Variants in LDB2 observed in about 807,000 individuals in gnomAD.
The protein encoded by LDB2 is LIM domain binding 2.
Under a neutral mutation model 44.3 loss-of-function variants are expected in LDB2, and 12 were observed. The ratio of observed to expected loss-of-function variants is 0.27; its 90% CI spans 0.17 to 0.44. The LOEUF is 0.44. LDB2 is among the 20% of genes least tolerant of loss of function. The pLI, the probability that LDB2 is intolerant of heterozygous loss-of-function variation, is 1.00. For missense variants in LDB2, 344 were observed against 473.5 expected (o/e 0.73, Z 2.54); for synonymous variants, 164 against 174.8 (o/e 0.94, Z 0.49).
chr4:16,868,526 G>A (rs1169139898), intron 1 of LDB2, among the ~76,000 whole-genome samples: 1 of 152,188 alleles, frequency 6.6e-6, no homozygotes, highest in Non-Finnish European at 1.5e-5. Flanking sequence ...TGGAATCAAA[G>A]TCTGGTGGCA....
chr4:16,710,675 C>T (rs1484697800), intron 2 of LDB2, among the ~76,000 whole-genome samples: 1 of 152,198 alleles, frequency 6.6e-6, no homozygotes, highest in Non-Finnish European at 1.5e-5. Flanking sequence ...AAAAGTGTGT[C>T]TCTAAGGATA....
chr4:16,721,805 A>G (rs928693489), intron 2 of LDB2, among the ~76,000 whole-genome samples: 2 of 152,210 alleles, frequency 1.3e-5, no homozygotes, highest in African/African-American at 4.8e-5. Context: ...AGTCTAGATA[A>G]TCTAAAGCCG....
At chr4:16,560,707 A>T (rs1422358875) in intron 5 of LDB2, among the ~76,000 whole-genome samples, 2 of 152,206 alleles carry the variant, frequency 1.3e-5, no homozygotes, top group Non-Finnish European at 2.9e-5. Flanking sequence ...ATCCTCCCTG[A>T]CTCATTTTAT....
chr4:16,750,140 G>A (rs1669165276), intron 2 of LDB2, among the ~76,000 whole-genome samples: 1 of 152,156 alleles, frequency 6.6e-6, no homozygotes, highest in Admixed American at 6.5e-5. Flanking sequence ...TGTTGTGAGA[G>A]CACCTGAAAT....
chr4:16,613,907 G>A (rs1022326565), intron 2 of LDB2, among the ~76,000 whole-genome samples: 5 of 152,058 alleles, frequency 3.3e-5, no homozygotes, highest in Admixed American at 2.6e-4. Flanking sequence ...CACAGAATTA[G>A]AAAAAAACTA....
chr4:16,535,208 A>C (rs576505694), intron 5 of LDB2, among the ~76,000 whole-genome samples: 1 of 152,332 alleles, frequency 6.6e-6, no homozygotes, highest in South Asian at 2.1e-4. Context: ...AACCACTCTC[A>C]CAGGCAGGAG....
intron 2 of LDB2, among the ~76,000 whole-genome samples, chr4:16,711,055 T>C (rs1276629888): frequency 6.6e-6 from 1 of 152,260 alleles, no homozygotes; most frequent in African/African-American, 2.4e-5. Context: ...AACAATGCTA[T>C]TGAGTATCAG....
intron 1 of LDB2, among the ~76,000 whole-genome samples, chr4:16,778,835 A>C (rs1474593847): frequency 6.6e-6 from 1 of 152,220 alleles, no homozygotes; most frequent in African/African-American, 2.4e-5. Flanking sequence ...TCACATAGAC[A>C]AATATATAAC....
chr4:16,846,017 G>A (rs1022483542), intron 1 of LDB2, among the ~76,000 whole-genome samples: 3 of 151,686 alleles, frequency 2.0e-5, no homozygotes, highest in Non-Finnish European at 4.4e-5. Flanking sequence ...GCTGAGGCAG[G>A]AGGATGGGAT....
intron 1 of LDB2, among the ~76,000 whole-genome samples, chr4:16,798,643 AC>A (rs1471891558): frequency 3.3e-5 from 5 of 152,152 alleles, no homozygotes; most frequent in African/African-American, 1.2e-4. Flanking sequence ...AAGGCCAGTA[AC>A]CAGTGGAACA....
intron 1 of LDB2, among the ~76,000 whole-genome samples, chr4:16,796,801 A>G (rs1776827426): frequency 6.6e-6 from 1 of 152,208 alleles, no homozygotes; most frequent in African/African-American, 2.4e-5. Flanking sequence ...GTACTTTGGT[A>G]GTCTTTGTCC....
chr4:16,824,231 G>A (rs1782633529), intron 1 of LDB2, among the ~76,000 whole-genome samples: 2 of 152,196 alleles, frequency 1.3e-5, no homozygotes, highest in Non-Finnish European at 2.9e-5. Flanking sequence ...ATGTGTGTGT[G>A]TGTGTGTATG....
chr4:16,642,093 A>G (rs928507926), intron 2 of LDB2, among the ~76,000 whole-genome samples: 3 of 152,198 alleles, frequency 2.0e-5, no homozygotes, highest in Non-Finnish European at 4.4e-5. Context: ...TCTGAAGTGG[A>G]AAGGAGAGTT....
In LDB2 at chr4:16,664,397, T is replaced by C. The variant is rs58289340; in HGVS notation, c.236-68522A>G. ...CCACCCAGTTTATGGTATTTTGTTATAGTAGCCTGAAGGGACTAAGACAAT... is the reference window on the plus strand; with the variant it reads ...CCACCCAGTTTATGGTATTTTGTTACAGTAGCCTGAAGGGACTAAGACAAT... On this transcript the variant is annotated intron_variant, in intron 2 of 7. Transcript: ENST00000304523. Among the ~76,000 whole-genome samples the C allele has an allele frequency of 9.8e-5, 15 of 152,294 alleles. No homozygotes were observed. In the East Asian group the frequency reaches 2.9e-3, roughly 29 times the overall value.
intron 2 of LDB2, among the ~76,000 whole-genome samples, chr4:16,692,621 A>G (rs115801000): frequency 0.019 from 2,834 of 152,260 alleles, 36 homozygotes; most frequent in Non-Finnish European, 0.028. Flanking sequence ...AAATAAAAAG[A>G]ACCTCTTCAA....
chr4:16,825,799 T>C (rs1218985002), intron 1 of LDB2, among the ~76,000 whole-genome samples: 3 of 152,142 alleles, frequency 2.0e-5, no homozygotes, highest in Admixed American at 2.0e-4. Flanking sequence ...TTAAATGATA[T>C]ATGAGATACA....
At chr4:16,740,473 A>G (rs1258529599) in intron 2 of LDB2, among the ~76,000 whole-genome samples, 5 of 152,206 alleles carry the variant, frequency 3.3e-5, no homozygotes, top group African/African-American at 1.2e-4. Context: ...CAGGCCTCCA[A>G]TCGTGCGAGC....
In LDB2 at chr4:16,533,265, C is replaced by T. The variant is rs139681195; in HGVS notation, c.616-21161G>A. Reference sequence around the variant, plus strand: ...CAGCTGTGTGACTCTCCTCAAGCCTCGGTGCTATCAACATGTGATTAACCT... The same window carrying T: ...CAGCTGTGTGACTCTCCTCAAGCCTTGGTGCTATCAACATGTGATTAACCT... On this transcript the variant is annotated intron_variant, in intron 5 of 7. Transcript: ENST00000304523. The surrounding 1 kb of genome is among the most constrained non-coding windows in gnomAD (Gnocchi z 4.1). 5.2e-3 allele frequency among the ~76,000 whole-genome samples: 790 copies of T among 152,126 alleles called. 4 individuals are homozygous for T. Among genetic ancestry groups the T allele is most frequent in the Non-Finnish European group, 7.3e-3 (496 of 67,996 alleles).
chr4:16,737,272 G>A (rs966346130), intron 2 of LDB2, among the ~76,000 whole-genome samples: 65 of 151,080 alleles, frequency 4.3e-4, no homozygotes, highest in East Asian at 1.9e-4. Context: ...TCTATCGCCC[G>A]GGCTGAAGTG....
Sources: gnomAD v4.1 joint callset for allele counts (sites outside exome capture counted in the v4.1 genomes callset) on GRCh38, gnomAD v4.1.1 for gene constraint, Gnocchi (gnomAD v3.1) non-coding constraint, MANE v1.5 for transcripts, NCBI Gene and HGNC (gene_info 2026-07-23, HGNC 2026-07-21) for gene names.